The following TECR variants were observed in gnomAD, a reference collection of about 807,000 sequenced individuals.
TECR encodes the protein trans-2,3-enoyl-CoA reductase.
In TECR, 19 loss-of-function variants were observed where a neutral mutation model predicts 50.6. That is an observed-to-expected ratio of 0.38 (90% CI 0.26 to 0.55). TECR has a LOEUF of 0.55. TECR is among the 20% of genes least tolerant of loss of function. TECR has a pLI of 0.79. For missense variants in TECR, 313 were observed against 408.3 expected (o/e 0.77, Z 2.01); for synonymous variants, 168 against 163.5 (o/e 1.03, Z -0.21).
intron 1 of TECR, among the ~76,000 whole-genome samples, chr19:14,541,439 C>CAT (rs2073094186): frequency 5.3e-5 from 8 of 152,380 alleles, no homozygotes; most frequent in African/African-American, 1.2e-4. Flanking sequence ...TGGGCAGGTC[C>CAT]TGCTGGTCCA....
chr19:14,558,457 GCT>G (rs1160178199), intron 1 of TECR, among the ~76,000 whole-genome samples: 2 of 152,114 alleles, frequency 1.3e-5, no homozygotes, highest in Non-Finnish European at 2.9e-5. Context: ...CTGGCTCTTG[GCT>G]CTGCCCTGAC....
In TECR at chr19:14,565,935, C is replaced by A; in HGVS notation, c.*64C>A. ...GGCATTCTGGGGGAGGAGTGGGGCC[C>A]ACAGCTCTCCAGCACCCGGAATAAA... On this transcript the variant is annotated 3_prime_UTR_variant, in exon 13 of 13. Transcript: ENST00000215567. The A allele has an allele frequency of 3.2e-6, 5 of 1,541,828 alleles. No homozygotes were observed. The highest frequency in any genetic ancestry group is 4.4e-6 in the Non-Finnish European group (5 of 1,142,082).
At chr19:14,554,629 G>A (rs2073654330) in intron 1 of TECR, among the ~76,000 whole-genome samples, 1 of 152,158 alleles carries the variant, frequency 6.6e-6, no homozygotes, top group Non-Finnish European at 1.5e-5. Context: ...GGATGAGCAG[G>A]AATTGCAGGC....
intron 1 of TECR, among the ~76,000 whole-genome samples, chr19:14,553,836 C>T (rs936325283): frequency 2.6e-5 from 4 of 152,134 alleles, no homozygotes; most frequent in Non-Finnish European, 4.4e-5. Flanking sequence ...GTGCCCGGCG[C>T]GGGGATGGTG....
chr19:14,551,972 TTTCTCTC>T (rs1263468355), intron 1 of TECR, among the ~76,000 whole-genome samples: 2 of 124,906 alleles, frequency 1.6e-5, no homozygotes, highest in African/African-American at 3.0e-5. Context: ...TCTCTCTCTC[TTTCTCTC>T]TTTTTTTTTT....
intron 1 of TECR, among the ~76,000 whole-genome samples, chr19:14,543,314 G>A (rs1446284935): frequency 2.1e-5 from 3 of 139,794 alleles, no homozygotes; most frequent in African/African-American, 7.9e-5. Context: ...GTGTGTGTGT[G>A]CAGATACTGG....
chr19:14,557,245 A>G (rs1278097568), intron 1 of TECR, among the ~76,000 whole-genome samples: 5 of 150,958 alleles, frequency 3.3e-5, no homozygotes, highest in Admixed American at 1.3e-4. Flanking sequence ...AGTTCAAGCA[A>G]TTCTCCTGAC....
chr19:14,543,165 G>T (rs1275084478), intron 1 of TECR, among the ~76,000 whole-genome samples: 1 of 150,566 alleles, frequency 6.6e-6, no homozygotes, highest in East Asian at 2.0e-4. Flanking sequence ...TGAGCCTCCA[G>T]GCTCCTTGTG....
chr19:14,563,071 G>A lies in TECR; in HGVS notation c.67-135G>A. On this transcript the variant is annotated intron_variant, in intron 2 of 12. Transcript: ENST00000215567. The surrounding 1 kb of genome is among the most constrained non-coding windows in gnomAD (Gnocchi z 5.3). ...GGTGGTCCTTCCCTGACTGCAGGCA[G>A]AGGCCTGGACCCCAGCCCTTCCCCC... The A allele has an allele frequency of 9.0e-7, 1 of 1,115,538 alleles. No homozygotes were observed. The highest frequency in any genetic ancestry group is 1.4e-5 in the South Asian group (1 of 72,006). The allele number at this position is 1,115,538 out of a possible 1,614,324, so 69.1% of individuals were successfully genotyped here.
chr19:14,558,480 G>C lies in TECR; in HGVS notation c.16-4045G>C, dbSNP rs73927063. Among the ~76,000 whole-genome samples the C allele has an allele frequency of 2.8e-3, 425 of 152,240 alleles. 4 individuals carry two copies. Among genetic ancestry groups the C allele is most frequent in the African/African-American group, 9.8e-3 (409 of 41,544 alleles). On this transcript the variant is annotated intron_variant, in intron 1 of 12. Transcript: ENST00000215567. ...TGGCTCTGCCCTGACCTCGTGCTGC[G>C]ACGAGTTGCTGTTGGCTGGGCCCCG...
At chr19:14,562,636 A>G (rs1477304842) in intron 2 of TECR, 61 bp downstream of exon 2, 1 of 1,593,172 alleles carries the variant, frequency 6.3e-7, no homozygotes, top group Non-Finnish European at 8.6e-7. Context: ...CCCAATCCTT[A>G]TAGCCCAGGA....
rs2072569873 is a variant in TECR at position 14,530,090 on chromosome 19, C to A, written c.15+379C>A. On this transcript the variant is annotated intron_variant, in intron 1 of 12. Coordinates refer to ENST00000215567, the MANE Select transcript of TECR (RefSeq NM_138501.6). ...TTGCACAAATCTTGCGCCACGCCGC[C>A]GTCACCAGCGTAGGAAGGGGCTTTG... The A allele has an allele frequency of 1.1e-5, 4 of 354,694 alleles. 1 individual carries two copies. Among genetic ancestry groups the A allele is most frequent in the South Asian group, 1.0e-4 (4 of 38,750 alleles). The allele number at this position is 354,694 out of a possible 1,614,324, so 22.0% of individuals were successfully genotyped here. A position where few individuals can be genotyped will look rare whatever the true frequency, so the allele number is the denominator to read the frequency against.
At position 14,565,081 on chromosome 19, in the gene TECR, A is replaced by T; in HGVS notation, c.622A>T (p.Asn208Tyr). The change falls in exon 10 of 13, where the codon AAC becomes TAC. Residue 208 changes from asparagine to tyrosine, a missense_variant. Physicochemically the swap from Asn to Tyr is moderately radical, Grantham distance 143 (BLOSUM62 -2). Transcript: ENST00000215567. ...TCTCTGACAGATCTGCCAGCTCGGCAACTTCTCCATCCACATGGCCCTGCG... is the reference window on the plus strand; with the variant it reads ...TCTCTGACAGATCTGCCAGCTCGGCTACTTCTCCATCCACATGGCCCTGCG... Reference protein sequence around the residue: ...LAIFVICQLGNFSIHMALRDL... With the variant: ...LAIFVICQLGYFSIHMALRDL... The T allele has an allele frequency of 6.8e-6, 11 of 1,613,846 alleles. No individual in the cohort carries two copies. The highest frequency in any genetic ancestry group is 7.6e-6 in the Non-Finnish European group (9 of 1,180,032).
chr19:14,544,115 A>T (rs2073221298), intron 1 of TECR, among the ~76,000 whole-genome samples: 1 of 151,864 alleles, frequency 6.6e-6, no homozygotes, highest in African/African-American at 2.4e-5. Context: ...CCCTATCCAA[A>T]TACTGGTGTG....
At chr19:14,555,906 C>T (rs564993609) in intron 1 of TECR, among the ~76,000 whole-genome samples, 3 of 152,280 alleles carry the variant, frequency 2.0e-5, no homozygotes, top group South Asian at 4.1e-4. Context: ...CTCTCTATAG[C>T]TCCCTCTTTG....
Position 14,554,018 on chromosome 19 carries a change from G to T in TECR, c.16-8507G>T, listed in dbSNP as rs1161095696. Among the ~76,000 whole-genome samples the T allele has an allele frequency of 2.6e-5, 4 of 152,188 alleles. No homozygotes were observed. In the South Asian group the frequency reaches 6.3e-4, roughly 24 times the overall value. On this transcript the variant is annotated intron_variant, in intron 1 of 12. Coordinates refer to ENST00000215567, the MANE Select transcript of TECR (RefSeq NM_138501.6). Reference sequence around the variant, plus strand: ...CTGCGGGGTCCGAGAGAGCCTGCCGGAGCTTTGAGCTCAACAGGTGGGCTG... The same window carrying T: ...CTGCGGGGTCCGAGAGAGCCTGCCGTAGCTTTGAGCTCAACAGGTGGGCTG...
chr19:14,558,761 C>T (rs1024841115), intron 1 of TECR, among the ~76,000 whole-genome samples: 2 of 152,204 alleles, frequency 1.3e-5, no homozygotes, highest in Non-Finnish European at 2.9e-5. Context: ...CATCTCAGCC[C>T]CTCCCAGCCC....
At chr19:14,562,764 G>A (rs2073940956) in intron 2 of TECR, among the ~76,000 whole-genome samples, 189 bp downstream of exon 2, 1 of 152,162 alleles carries the variant, frequency 6.6e-6, no homozygotes, top group Non-Finnish European at 1.5e-5. Context: ...AGGCACAGGA[G>A]TCTCAGTGGA....
chr19:14,533,411 ACT>A (rs2072747750), intron 1 of TECR, among the ~76,000 whole-genome samples: 2 of 151,328 alleles, frequency 1.3e-5, no homozygotes, highest in East Asian at 1.9e-4. Flanking sequence ...CAAGAACGAG[ACT>A]CTGTCTCAAA....
Sources: allele counts gnomAD v4.1 joint callset (sites outside exome capture counted in the v4.1 genomes callset), GRCh38; gene constraint gnomAD v4.1.1; non-coding constraint Gnocchi (gnomAD v3.1); transcripts MANE v1.5; gene names NCBI Gene and HGNC (gene_info 2026-07-23, HGNC 2026-07-21).